TLL1: variants seen among roughly 807,000 people sequenced by gnomAD.
The protein encoded by TLL1 is tolloid-like protein 1.
A neutral mutation model predicts 128.2 loss-of-function variants in TLL1; 49 were observed. The ratio of observed to expected loss-of-function variants is 0.38; its 90% CI spans 0.30 to 0.48. The LOEUF is 0.48. Among genes scored for constraint, TLL1 ranks in the 20% least tolerant of loss-of-function variants. The pLI, the probability that TLL1 is intolerant of heterozygous loss-of-function variation, is 0.96. For missense variants in TLL1, 1,123 were observed against 1,242.0 expected (o/e 0.90, Z 1.44); for synonymous variants, 454 against 418.8 (o/e 1.08, Z -1.03).
At chr4:165,983,788 A>G (rs537918842) in intron 1 of TLL1, among the ~76,000 whole-genome samples, 1 of 151,836 alleles carries the variant, frequency 6.6e-6, no homozygotes, top group East Asian at 1.9e-4. Flanking sequence ...TAGCTTTCTT[A>G]TATAGTACTC....
chr4:166,004,119 G>C (rs1737297923), intron 6 of TLL1, among the ~76,000 whole-genome samples: 1 of 151,952 alleles, frequency 6.6e-6, no homozygotes, highest in Admixed American at 6.6e-5. Context: ...AAAATTTTCA[G>C]TAATTGAAAT....
intron 15 of TLL1, 44 bp from the exon 16 acceptor site, chr4:166,065,639 T>C (rs765944976): frequency 6.3e-7 from 1 of 1,584,126 alleles, no homozygotes; most frequent in Non-Finnish European, 8.7e-7. Context: ...GTCAATCATC[T>C]TGTACTCACA....
chr4:165,996,772 A>C (rs1736900933), intron 5 of TLL1, among the ~76,000 whole-genome samples: 1 of 151,470 alleles, frequency 6.6e-6, no homozygotes, highest in Non-Finnish European at 1.5e-5. Context: ...TGAAAACTAA[A>C]TGTAGTTGCA....
At chr4:166,030,781 A>G (rs915746698) in intron 9 of TLL1, 15 of 1,087,148 alleles carry the variant, frequency 1.4e-5, no homozygotes, top group Non-Finnish European at 1.6e-5. Context: ...TCTGACTTCT[A>G]TTATGGCTTA....
chr4:165,932,497 C>T (rs79179301), intron 1 of TLL1, among the ~76,000 whole-genome samples: 6,265 of 152,190 alleles, frequency 0.041, 396 homozygotes, highest in African/African-American at 0.13. Flanking sequence ...CTTATAAATC[C>T]TTCAGACTGG....
At position 166,102,233 on chromosome 4, in the gene TLL1, G is replaced by A. The variant is rs1742322737; in HGVS notation, c.*1357G>A. On this transcript the variant is annotated 3_prime_UTR_variant, in exon 21 of 21. Coordinates refer to ENST00000061240, the MANE Select transcript of TLL1 (RefSeq NM_012464.5). ...ACATAATAGTGTATGTTAATTAACA[G>A]CTCTATGAAGAAAATCCATTTCCAT... is the stretch of plus-strand genomic sequence containing the variant. 2 of 152,394 alleles carry A rather than the reference G, an allele frequency of 1.3e-5. No homozygotes were observed. The highest frequency in any genetic ancestry group is 1.3e-4 in the Admixed American group (2 of 15,232). 9.4% of individuals were successfully genotyped at this position (152,394 alleles called of 1,614,324 possible). A position where few individuals can be genotyped will look rare whatever the true frequency, so the allele number is the denominator to read the frequency against.
intron 10 of TLL1, 104 bp downstream of exon 10, chr4:166,039,545 G>A: frequency 1.3e-6 from 1 of 787,734 alleles, no homozygotes; most frequent in Non-Finnish European, 2.2e-6. Flanking sequence ...AAATGTGTGT[G>A]ACTAACATTA....
At chr4:165,996,736 C>G (rs916577609) in intron 5 of TLL1, among the ~76,000 whole-genome samples, 1 of 151,886 alleles carries the variant, frequency 6.6e-6, no homozygotes, top group Non-Finnish European at 1.5e-5. Context: ...TATTTAAGGA[C>G]ATGTATTTCA....
At chr4:165,885,212 C>T (rs188233312) in intron 1 of TLL1, among the ~76,000 whole-genome samples, 1 of 152,068 alleles carries the variant, frequency 6.6e-6, no homozygotes, top group Admixed American at 6.5e-5. Context: ...TTTGTGTTGC[C>T]CTCAGGACAT....
chr4:166,038,519 G>A (rs1739100172), intron 9 of TLL1, among the ~76,000 whole-genome samples: 1 of 151,322 alleles, frequency 6.6e-6, no homozygotes, highest in Admixed American at 6.6e-5. Flanking sequence ...GAATTCCTTT[G>A]CATCAGATAA....
chr4:165,954,220 G>A (rs1165834140), intron 1 of TLL1, among the ~76,000 whole-genome samples: 1 of 152,056 alleles, frequency 6.6e-6, no homozygotes, highest in African/African-American at 2.4e-5. Flanking sequence ...GGGGAGAGGA[G>A]GAGGATTTTA....
intron 1 of TLL1, among the ~76,000 whole-genome samples, chr4:165,874,797 G>C (rs2110797228): frequency 6.6e-6 from 1 of 152,354 alleles, no homozygotes; most frequent in South Asian, 2.1e-4. Context: ...GCCTCGCAGG[G>C]TCCCTGAATG....
chr4:166,042,001 T>C, intron 10 of TLL1, 26 bp from the exon 11 acceptor site: 8 of 1,505,690 alleles, frequency 5.3e-6, no homozygotes, highest in South Asian at 1.1e-5. Flanking sequence ...TTTAGGAGTT[T>C]CTCTTTATTC....
intron 9 of TLL1, among the ~76,000 whole-genome samples, chr4:166,036,437 T>C (rs537170157): frequency 1.4e-4 from 22 of 152,340 alleles, no homozygotes; most frequent in African/African-American, 5.3e-4. Flanking sequence ...AAAATATTTA[T>C]ATAGTTGTGT....
chr4:166,010,885 G>A (rs1331441551), intron 7 of TLL1, among the ~76,000 whole-genome samples: 1 of 150,446 alleles, frequency 6.6e-6, no homozygotes, highest in Non-Finnish European at 1.5e-5. Flanking sequence ...TTTTCTCAGT[G>A]TCATTTGTTG....
chr4:166,087,624 G>T (rs1207806782), intron 18 of TLL1, among the ~76,000 whole-genome samples: 1 of 152,032 alleles, frequency 6.6e-6, no homozygotes, highest in African/African-American at 2.4e-5. Context: ...TTTTATTTCT[G>T]CATTAAGTGC....
rs190053070 is a variant in TLL1, at chr4:165,895,876, C to T, written c.169+21803C>T. 8.9e-4 allele frequency among the ~76,000 whole-genome samples: 136 copies of T among 152,136 alleles called. 2 individuals carry two copies. In the South Asian group the frequency reaches 0.01, roughly 12 times the overall value. The stretch of plus-strand genomic sequence containing the variant: ...AGAATGCAGAAATAGGTGTATACTT[C>T]CATTTCTGTTGCTTTCTGATAAAGT... On this transcript the variant is annotated intron_variant, in intron 1 of 20. Transcript: ENST00000061240.
intron 12 of TLL1, among the ~76,000 whole-genome samples, chr4:166,049,964 A>C (rs1272146887): frequency 1.3e-5 from 2 of 152,146 alleles, no homozygotes; most frequent in South Asian, 4.1e-4. Context: ...AAGTTGCATC[A>C]TTTAGATTGC....
chr4:166,022,896 A>G (rs1462707843), intron 8 of TLL1, among the ~76,000 whole-genome samples: 1 of 152,188 alleles, frequency 6.6e-6, no homozygotes, highest in Non-Finnish European at 1.5e-5. Context: ...GAACATTGGT[A>G]TGCTTCTTTA....
Sources: gnomAD v4.1 joint callset for allele counts (sites outside exome capture counted in the v4.1 genomes callset) on GRCh38, gnomAD v4.1.1 for gene constraint, MANE v1.5 for transcripts, NCBI Gene and HGNC (gene_info 2026-07-23, HGNC 2026-07-21) for gene names.